PTPRT: variants seen among roughly 807,000 people sequenced by gnomAD.
The protein encoded by PTPRT is receptor-type tyrosine-protein phosphatase T.
A neutral mutation model predicts 176.8 loss-of-function variants in PTPRT; 56 were observed. That is an observed-to-expected ratio of 0.32 (90% CI 0.26 to 0.40). The LOEUF is 0.40. PTPRT is among the 10% of genes least tolerant of loss of function. The pLI is 1.00. For synonymous variants in PTPRT, 783 were observed against 739.0 expected, an observed-to-expected ratio of 1.06 and a Z score of -0.96; for missense variants, 1,540 against 1,908.2, an observed-to-expected ratio of 0.81 and a Z score of 3.60.
chr20:42,177,792 C>G (rs1387694374), intron 16 of PTPRT, among the ~76,000 whole-genome samples: 1 of 151,978 alleles, frequency 6.6e-6, no homozygotes, highest in African/African-American at 2.4e-5. Flanking sequence ...GACCCAATTC[C>G]TTATTGGGAA....
At chr20:42,330,093 A>T (rs2057946401) in intron 11 of PTPRT, among the ~76,000 whole-genome samples, 1 of 152,192 alleles carries the variant, frequency 6.6e-6, no homozygotes, top group Non-Finnish European at 1.5e-5. Flanking sequence ...TTGACTCCAG[A>T]AGTGCTATTT....
chr20:42,965,520 A>G (rs1982241335), intron 1 of PTPRT, among the ~76,000 whole-genome samples: 1 of 152,220 alleles, frequency 6.6e-6, no homozygotes, highest in South Asian at 2.1e-4. Flanking sequence ...AAGTTTAAGA[A>G]TGCCTGTGTT....
At chr20:42,557,634 T>C (rs149191382) in intron 7 of PTPRT, among the ~76,000 whole-genome samples, 1 of 152,212 alleles carries the variant, frequency 6.6e-6, no homozygotes, top group African/African-American at 2.4e-5. Flanking sequence ...AGACAATCAA[T>C]AGCAAGGGGA....
At chr20:42,559,444 C>G (rs2072914174) in intron 7 of PTPRT, among the ~76,000 whole-genome samples, 1 of 152,152 alleles carries the variant, frequency 6.6e-6, no homozygotes, top group Admixed American at 6.5e-5. Context: ...GTTTTCTTGT[C>G]TCTATGCCAT....
At chr20:42,442,082 G>T (rs2059321460) in intron 9 of PTPRT, among the ~76,000 whole-genome samples, 2 of 152,192 alleles carry the variant, frequency 1.3e-5, no homozygotes, top group Admixed American at 1.3e-4. Context: ...CAGCAAAGCT[G>T]AGGGATGGGA....
At chr20:42,317,612 A>T (rs2057739018) in intron 11 of PTPRT, among the ~76,000 whole-genome samples, 1 of 152,164 alleles carries the variant, frequency 6.6e-6, no homozygotes, top group Admixed American at 6.5e-5. Flanking sequence ...ACCATCCTTC[A>T]ATCAGACTAT....
chr20:42,710,396 A>G (rs2146197221), intron 6 of PTPRT, among the ~76,000 whole-genome samples: 1 of 152,364 alleles, frequency 6.6e-6, no homozygotes, highest in East Asian at 1.9e-4. Flanking sequence ...GCCCAGCCTC[A>G]GGACACTGCT....
At chr20:43,166,571 G>A (rs1361637349) in intron 1 of PTPRT, among the ~76,000 whole-genome samples, 2 of 152,098 alleles carry the variant, frequency 1.3e-5, no homozygotes, top group African/African-American at 4.8e-5. Context: ...ACCAATTGAA[G>A]TTAAATAGTC....
intron 15 of PTPRT, among the ~76,000 whole-genome samples, chr20:42,205,637 A>G (rs1306357846): frequency 6.6e-6 from 1 of 152,084 alleles, no homozygotes; most frequent in Non-Finnish European, 1.5e-5. Flanking sequence ...GGTTCCACCT[A>G]GAGTTTTTCC....
rs770687040 is a variant in PTPRT, at chr20:42,161,549, AAAG to A, written c.2492-10_2492-8del. 1.1e-5 allele frequency: 18 copies of A among 1,598,132 alleles called. No homozygotes were observed. Among genetic ancestry groups the A allele is most frequent in the Non-Finnish European group, 1.5e-5 (18 of 1,172,472 alleles). On this transcript the variant is annotated splice_region_variant and splice_polypyrimidine_tract_variant and intron_variant, in intron 16 of 30. Transcript: ENST00000373187. ...TCCCCGCGGCTGCCATCTGCTTCGA[AAAG>A]AAGGAGGCAGAACAGATCATCACCT...
intron 7 of PTPRT, among the ~76,000 whole-genome samples, chr20:42,521,114 G>A (rs1034637802): frequency 2.7e-5 from 4 of 149,280 alleles, no homozygotes; most frequent in Non-Finnish European, 5.9e-5. Flanking sequence ...CCTACCTAGT[G>A]ACCTACCTAC....
intron 7 of PTPRT, among the ~76,000 whole-genome samples, chr20:42,537,282 T>C (rs2072493750): frequency 1.3e-5 from 2 of 152,156 alleles, no homozygotes; most frequent in African/African-American, 2.4e-5. Context: ...TAAATGGACA[T>C]AGTATTACCT....
chr20:43,139,490 C>CT (rs1322630035), intron 1 of PTPRT, among the ~76,000 whole-genome samples: 1 of 152,224 alleles, frequency 6.6e-6, no homozygotes, highest in Non-Finnish European at 1.5e-5. Context: ...TGTGAACACT[C>CT]TAACAACAAA....
intron 15 of PTPRT, among the ~76,000 whole-genome samples, chr20:42,231,262 G>C (rs933026764): frequency 2.0e-5 from 3 of 152,202 alleles, no homozygotes; most frequent in African/African-American, 7.2e-5. Context: ...ACGTGGTCCA[G>C]GCAGAAGTGC....
chr20:43,087,023 C>T (rs1055235310), intron 1 of PTPRT, among the ~76,000 whole-genome samples: 5 of 152,198 alleles, frequency 3.3e-5, no homozygotes, highest in Non-Finnish European at 5.9e-5. Flanking sequence ...AAAATGTTCC[C>T]ATCACTTTCT....
chr20:42,928,880 T>A (rs1458263768), intron 1 of PTPRT, among the ~76,000 whole-genome samples: 1 of 152,232 alleles, frequency 6.6e-6, no homozygotes, highest in Non-Finnish European at 1.5e-5. Flanking sequence ...CTCCAAGTAC[T>A]GACCCTGTCA....
At chr20:43,012,553 C>T (rs561084688) in intron 1 of PTPRT, among the ~76,000 whole-genome samples, 1 of 152,244 alleles carries the variant, frequency 6.6e-6, no homozygotes, top group Admixed American at 6.5e-5. Context: ...CACTTAAATG[C>T]ACACTTAAAA....
rs145786990 is a variant in PTPRT, at chr20:42,470,132, T to C, written c.1450+2134A>G. Among the ~76,000 whole-genome samples, 16 of 152,378 alleles carry C rather than the reference T, an allele frequency of 1.1e-4. 1 individual carries two copies. The East Asian group carries it at 2.5e-3, about 24-fold the overall frequency. ...TGAGTCAAGCCGGGTATTTTCTTTA[T>C]GCAGCTGACAATGCCAGTGCTCTGG... On this transcript the variant is annotated intron_variant, in intron 8 of 30. Transcript: ENST00000373187.
intron 2 of PTPRT, among the ~76,000 whole-genome samples, chr20:42,811,961 T>C (rs2077703399): frequency 6.6e-6 from 1 of 152,172 alleles, no homozygotes; most frequent in East Asian, 1.9e-4. Flanking sequence ...GTGAGCTTTA[T>C]ATTCTATTAT....
Sources: allele counts gnomAD v4.1 joint callset (sites outside exome capture counted in the v4.1 genomes callset), GRCh38; gene constraint gnomAD v4.1.1; transcripts MANE v1.5; gene names NCBI Gene and HGNC (gene_info 2026-07-23, HGNC 2026-07-21).